Variants in SEL1L3 observed in about 807,000 individuals in gnomAD.
The protein encoded by SEL1L3 is protein sel-1 homolog 3.
In SEL1L3, 76 loss-of-function variants were observed where a neutral mutation model predicts 142.8. The ratio of observed to expected loss-of-function variants is 0.53; its 90% CI spans 0.44 to 0.64. The LOEUF (loss-of-function observed/expected upper bound fraction) is 0.64, where lower values mean the gene tolerates loss of function less well. Ranked by LOEUF, SEL1L3 falls within the 30% of genes least tolerant of loss-of-function variation. The probability of loss-of-function intolerance (pLI) is 0.00; values close to 1 mark genes in which losing one functional copy is unlikely to be tolerated. For missense variants in SEL1L3, 1,262 were observed against 1,381.7 expected (o/e 0.91, Z 1.37); for synonymous variants, 504 against 519.6 (o/e 0.97, Z 0.41).
At chr4:25,782,619 G>A (rs559693993) in intron 14 of SEL1L3, among the ~76,000 whole-genome samples, 26 of 152,246 alleles carry the variant, frequency 1.7e-4, no homozygotes, top group African/African-American at 5.5e-4. Context: ...TGTTTCACCC[G>A]ACTGCTGCTG....
In SEL1L3 at chr4:25,788,959, A is replaced by C. The variant is rs543275520; in HGVS notation, c.2077-595T>G. Reference sequence around the variant, plus strand: ...CTGAACAAAGACTTCTTAGTGAACAAAGGAAGAAAGAAGTGCCTATGGTTA... The same window carrying C: ...CTGAACAAAGACTTCTTAGTGAACACAGGAAGAAAGAAGTGCCTATGGTTA... On this transcript the variant is annotated intron_variant, in intron 12 of 23. Transcript: ENST00000399878. The surrounding 1 kb of genome is among the most constrained non-coding windows in gnomAD (Gnocchi z 5.3). 6.6e-5 allele frequency among the ~76,000 whole-genome samples: 10 copies of C among 152,278 alleles called. No individual in the cohort carries two copies. Among genetic ancestry groups the C allele is most frequent in the African/African-American group, 2.4e-4 (10 of 41,552 alleles).
At chr4:25,846,545 T>C (rs1716523071) in intron 2 of SEL1L3, among the ~76,000 whole-genome samples, 1 of 152,140 alleles carries the variant, frequency 6.6e-6, no homozygotes, top group African/African-American at 2.4e-5. Context: ...CATTCTGTGG[T>C]ACAACCTCCC....
At chr4:25,832,491 C>T (rs1323065361) in intron 5 of SEL1L3, among the ~76,000 whole-genome samples, 2 of 152,220 alleles carry the variant, frequency 1.3e-5, no homozygotes, top group Admixed American at 6.5e-5. Flanking sequence ...GACCCTCCAT[C>T]CCACCTGAAT....
At chr4:25,749,953 G>T (rs1717479621) in intron 23 of SEL1L3, among the ~76,000 whole-genome samples, 4 of 151,574 alleles carry the variant, frequency 2.6e-5, no homozygotes, top group African/African-American at 9.7e-5. Context: ...CCAGCCACAG[G>T]CCGGGCGCCG....
Position 25,756,830 on chromosome 4 carries a change from G to A in SEL1L3, c.3259+704C>T, listed in dbSNP as rs1014288381. Reference sequence around the variant, plus strand: ...TGTTTATCCTCTTACACATCTGATTGCTTGACTGAAATGAAAGGGAAGACT... The same window carrying A: ...TGTTTATCCTCTTACACATCTGATTACTTGACTGAAATGAAAGGGAAGACT... On this transcript the variant is annotated intron_variant, in intron 23 of 23. Transcript: ENST00000399878. The A allele has an allele frequency of 6.3e-6, 8 of 1,270,962 alleles. No individual in the cohort carries two copies. The East Asian group carries it at 3.9e-4, about 63-fold the overall frequency. The allele number at this position is 1,270,962 out of a possible 1,614,324, so 78.7% of individuals were successfully genotyped here.
chr4:25,769,942 A>G (rs537227239), intron 17 of SEL1L3, among the ~76,000 whole-genome samples: 1 of 152,248 alleles, frequency 6.6e-6, no homozygotes, highest in Non-Finnish European at 1.5e-5. Flanking sequence ...AGCCTGGGCA[A>G]CAGTAGAAAC....
chr4:25,789,474 A>G (rs918733004), intron 12 of SEL1L3, among the ~76,000 whole-genome samples: 2 of 151,304 alleles, frequency 1.3e-5, no homozygotes, highest in East Asian at 2.0e-4. Flanking sequence ...AGTTCCAGCT[A>G]CTCGGGAGGT....
chr4:25,841,040 T>TCTC (rs1300918488), intron 2 of SEL1L3, among the ~76,000 whole-genome samples: 21 of 151,786 alleles, frequency 1.4e-4, no homozygotes, highest in African/African-American at 4.1e-4. Context: ...TCCTTCTTCT[T>TCTC]CTCTTTTTTT....
At chr4:25,790,818 G>GGGAA (rs543019082) in intron 11 of SEL1L3, among the ~76,000 whole-genome samples, 3 of 140,188 alleles carry the variant, frequency 2.1e-5, no homozygotes, top group Admixed American at 7.1e-5. Flanking sequence ...GAAGAAAGGA[G>GGGAA]GGAAGGAAGG....
Position 25,822,102 on chromosome 4 carries a change from T to C in SEL1L3, c.1184A>G (p.Asp395Gly). Residue 395 changes from aspartate (D) to glycine (G), a missense_variant, in exon 7 of 24, where the codon GAC (aspartate) becomes GGC (glycine). Asp to Gly is a moderately conservative substitution (Grantham distance 94, BLOSUM62 -1). Coordinates refer to ENST00000399878, the MANE Select transcript of SEL1L3 (RefSeq NM_015187.5). ...ISFREDFHYN[D>G]TAGYFIIGGS... Reference sequence around the variant, plus strand: ...TCCAATAATGAAGTACCCAGCTGTGTCATTATAATGGAAATCCTCCCGGAA... The same window carrying C: ...TCCAATAATGAAGTACCCAGCTGTGCCATTATAATGGAAATCCTCCCGGAA... The C allele has an allele frequency of 6.2e-7, 1 of 1,613,972 alleles. No homozygotes were observed. The highest frequency in any genetic ancestry group is 8.5e-7 in the Non-Finnish European group (1 of 1,179,872).
At chr4:25,763,304 T>C (rs755313709) in intron 20 of SEL1L3, among the ~76,000 whole-genome samples, 10 of 152,160 alleles carry the variant, frequency 6.6e-5, no homozygotes, top group Non-Finnish European at 1.5e-4. Flanking sequence ...GATAACAGAA[T>C]AGATCATGTC....
chr4:25,750,261 A>G (rs949223948), intron 23 of SEL1L3, among the ~76,000 whole-genome samples: 1 of 151,186 alleles, frequency 6.6e-6, no homozygotes, highest in Non-Finnish European at 1.5e-5. Flanking sequence ...AAAAAGAAAG[A>G]AAAAAGAAAC....
At chr4:25,756,388 G>C in intron 23 of SEL1L3, 1 of 985,354 alleles carries the variant, frequency 1.0e-6, no homozygotes, top group Non-Finnish European at 1.2e-6. Context: ...GTAAATGTAA[G>C]AGCTAACATT....
chr4:25,835,437 C>A (rs1226877851), intron 2 of SEL1L3, 114 bp from the exon 3 acceptor site: 10 of 1,144,764 alleles, frequency 8.7e-6, no homozygotes, highest in Non-Finnish European at 1.2e-5. Context: ...AAGTGAGATA[C>A]CCTAAAAATA....
the SEL1L3 span, among the ~76,000 whole-genome samples, chr4:25,729,813 G>A: frequency 1.1e-4 from 17 of 152,248 alleles, no homozygotes; most frequent in East Asian, 3.1e-3. Flanking sequence ...AGTATCAATC[G>A]GAGGCTCCAC....
chr4:25,807,348 C>T (rs1239274179), intron 9 of SEL1L3, among the ~76,000 whole-genome samples: 2 of 152,174 alleles, frequency 1.3e-5, no homozygotes, highest in Non-Finnish European at 2.9e-5. Context: ...TTTTCACCAG[C>T]AGCCTGCGGA....
intron 9 of SEL1L3, among the ~76,000 whole-genome samples, chr4:25,807,690 C>T (rs1172887342): frequency 1.3e-5 from 2 of 152,044 alleles, no homozygotes; most frequent in East Asian, 3.8e-4. Context: ...GAAGAGACTC[C>T]AAACCAAATG....
chr4:25,829,733 C>T (rs1715319467), intron 6 of SEL1L3, among the ~76,000 whole-genome samples: 1 of 152,112 alleles, frequency 6.6e-6, no homozygotes, highest in African/African-American at 2.4e-5. Flanking sequence ...TATATGAGGC[C>T]AAAGTTACCA....
chr4:25,741,261 AC>A, the SEL1L3 span, among the ~76,000 whole-genome samples: 1 of 149,838 alleles, frequency 6.7e-6, no homozygotes, highest in East Asian at 2.0e-4. Context: ...CCACCACCAC[AC>A]CCAGCTAATT....
Sources: gnomAD v4.1 joint callset for allele counts (sites outside exome capture counted in the v4.1 genomes callset) on GRCh38, gnomAD v4.1.1 for gene constraint, Gnocchi (gnomAD v3.1) non-coding constraint, MANE v1.5 for transcripts, NCBI Gene and HGNC (gene_info 2026-07-23, HGNC 2026-07-21) for gene names.